Variants in ARHGAP15 observed in about 807,000 individuals in gnomAD.
ARHGAP15 encodes Rho GTPase activating protein 15, also known as rho GTPase-activating protein 15.
In ARHGAP15, 51 loss-of-function variants were observed where a neutral mutation model predicts 63.7. That is an observed-to-expected ratio of 0.80 (90% CI 0.64 to 1.01). The LOEUF (loss-of-function observed/expected upper bound fraction) is 1.01. Ranked by LOEUF, ARHGAP15 falls within the 50% of genes least tolerant of loss-of-function variation. The pLI is 0.00. For missense variants in ARHGAP15, 560 were observed against 564.6 expected (o/e 0.99, Z 0.08); for synonymous variants, 191 against 193.8 (o/e 0.99, Z 0.12).
At chr2:143,608,001 G>C (rs1217637483) in intron 11 of ARHGAP15, 2 of 152,164 alleles carry the variant, frequency 1.3e-5, no homozygotes, top group African/African-American at 4.8e-5. Context: ...TTTCTCCTCT[G>C]TGGATAGAGC....
chr2:143,334,514 C>G (rs115395918), intron 6 of ARHGAP15, among the ~76,000 whole-genome samples: 1,849 of 152,100 alleles, frequency 0.012, 22 homozygotes, highest in Non-Finnish European at 0.016. Context: ...AATACTATAA[C>G]CTGCTGCTGC....
At chr2:143,547,674 AG>A (rs1695389307) in intron 10 of ARHGAP15, among the ~76,000 whole-genome samples, 2 of 138,016 alleles carry the variant, frequency 1.4e-5, no homozygotes, top group Admixed American at 1.4e-4. Context: ...ATCCAAATTG[AG>A]GAGGGATGAC....
intron 10 of ARHGAP15, among the ~76,000 whole-genome samples, chr2:143,556,174 C>A (rs1695789299): frequency 6.6e-6 from 1 of 151,954 alleles, no homozygotes. Flanking sequence ...CCTATTCTAC[C>A]CACTGCTCTT....
At chr2:143,447,434 G>C (rs947720446) in intron 8 of ARHGAP15, among the ~76,000 whole-genome samples, 3 of 152,192 alleles carry the variant, frequency 2.0e-5, no homozygotes, top group African/African-American at 7.2e-5. Flanking sequence ...ACCACTGAAA[G>C]TCTGGTCTCA....
chr2:143,341,218 C>T (rs1685044441), intron 6 of ARHGAP15, among the ~76,000 whole-genome samples: 1 of 152,068 alleles, frequency 6.6e-6, no homozygotes, highest in Non-Finnish European at 1.5e-5. Context: ...GGATGAACCA[C>T]ATCCCCTTTT....
chr2:143,546,305 A>G (rs1695326747), intron 10 of ARHGAP15, among the ~76,000 whole-genome samples: 1 of 152,204 alleles, frequency 6.6e-6, no homozygotes. Flanking sequence ...TTAAATCAGT[A>G]TCTATTTCAA....
intron 12 of ARHGAP15, among the ~76,000 whole-genome samples, chr2:143,699,670 C>T (rs1487550702): frequency 6.6e-6 from 1 of 152,144 alleles, no homozygotes; most frequent in Non-Finnish European, 1.5e-5. Context: ...CCAACTGGCA[C>T]CAACTCAGTT....
At chr2:143,166,014 GA>G (rs889871028) in intron 2 of ARHGAP15, among the ~76,000 whole-genome samples, 4 of 136,786 alleles carry the variant, frequency 2.9e-5, no homozygotes, top group Admixed American at 7.5e-5. Context: ...AGGAAGGAAG[GA>G]AAAAAAGAAA....
intron 11 of ARHGAP15, among the ~76,000 whole-genome samples, chr2:143,609,855 C>T (rs956022211): frequency 5.3e-5 from 8 of 152,160 alleles, no homozygotes; most frequent in African/African-American, 1.7e-4. Context: ...AATGCTTAAT[C>T]CCTGAATTGG....
intron 6 of ARHGAP15, among the ~76,000 whole-genome samples, chr2:143,298,325 T>C (rs1347302907): frequency 6.6e-6 from 1 of 151,992 alleles, no homozygotes; most frequent in Non-Finnish European, 1.5e-5. Flanking sequence ...AATCCCTAGT[T>C]AGCATCTCGT....
At chr2:143,375,340 C>A (rs572111706) in intron 6 of ARHGAP15, among the ~76,000 whole-genome samples, 1 of 152,126 alleles carries the variant, frequency 6.6e-6, no homozygotes, top group Non-Finnish European at 1.5e-5. Context: ...CTCCCTAGAG[C>A]ACTATTAAAT....
chr2:143,369,015 T>C (rs1686423922), intron 6 of ARHGAP15, among the ~76,000 whole-genome samples: 1 of 152,038 alleles, frequency 6.6e-6, no homozygotes, highest in Non-Finnish European at 1.5e-5. Context: ...CATAAATGAA[T>C]AGTGACACAT....
chr2:143,461,593 G>A (rs1021054393), intron 8 of ARHGAP15, among the ~76,000 whole-genome samples: 1 of 152,110 alleles, frequency 6.6e-6, no homozygotes, highest in African/African-American at 2.4e-5. Flanking sequence ...GCAATCTAAA[G>A]TAAAGGAATC....
intron 1 of ARHGAP15, among the ~76,000 whole-genome samples, chr2:143,142,918 T>C (rs1689429528): frequency 6.6e-6 from 1 of 152,130 alleles, no homozygotes; most frequent in Non-Finnish European, 1.5e-5. Flanking sequence ...GTTCAATGAT[T>C]TTTAAATTAA....
At chr2:143,330,140 A>AAT (rs1451240421) in intron 6 of ARHGAP15, among the ~76,000 whole-genome samples, 1 of 135,550 alleles carries the variant, frequency 7.4e-6, no homozygotes, top group East Asian at 2.1e-4. Context: ...AACCAAAAAC[A>AAT]AAAAACTAAA....
intron 9 of ARHGAP15, among the ~76,000 whole-genome samples, chr2:143,516,155 A>G (rs998459916): frequency 6.6e-6 from 1 of 152,196 alleles, no homozygotes. Flanking sequence ...GTTTACTTAT[A>G]TACTGCCTCT....
chr2:143,367,050 G>A (rs1686325124), intron 6 of ARHGAP15, among the ~76,000 whole-genome samples: 2 of 152,150 alleles, frequency 1.3e-5, no homozygotes, highest in East Asian at 1.9e-4. Context: ...TAGTAGCATT[G>A]TTTAATTTTA....
chr2:143,413,661 A>G (rs1466785308), intron 6 of ARHGAP15, among the ~76,000 whole-genome samples: 1 of 152,120 alleles, frequency 6.6e-6, no homozygotes, highest in Non-Finnish European at 1.5e-5. Context: ...TTTTGTAAAG[A>G]TGGGGTCTTA....
At chr2:143,300,242 T>G (rs1431208987) in intron 6 of ARHGAP15, among the ~76,000 whole-genome samples, 1 of 151,970 alleles carries the variant, frequency 6.6e-6, no homozygotes, top group East Asian at 1.9e-4. Flanking sequence ...GTCAACAGAT[T>G]TGGCACATTC....
Sources: allele counts gnomAD v4.1 joint callset (sites outside exome capture counted in the v4.1 genomes callset), GRCh38; gene constraint gnomAD v4.1.1; transcripts MANE v1.5; gene names NCBI Gene and HGNC (gene_info 2026-07-23, HGNC 2026-07-21).